The following SIMC1 variants were observed in gnomAD, a reference collection of about 807,000 sequenced individuals.
SIMC1 encodes SUMO-interacting motif-containing protein 1.
Under a neutral mutation model 82.3 loss-of-function variants are expected in SIMC1, and 55 were observed. The ratio of observed to expected loss-of-function variants is 0.67; its 90% confidence interval spans 0.54 to 0.84. SIMC1 has a LOEUF of 0.84. SIMC1 is among the 40% of genes least tolerant of loss of function. The pLI is 0.00. For missense variants in SIMC1, 915 were observed against 1,107.2 expected, an observed-to-expected ratio of 0.83 and a Z score of 2.46; for synonymous variants, 353 against 426.3, an observed-to-expected ratio of 0.83 and a Z score of 2.12.
intron 9 of SIMC1, among the ~76,000 whole-genome samples, chr5:176,342,204 A>C (rs1354885675): frequency 6.6e-6 from 1 of 152,220 alleles, no homozygotes; most frequent in Non-Finnish European, 1.5e-5. Context: ...CAAAGTCTAC[A>C]AAAAGGCTCT....
Position 176,289,691 on chromosome 5 carries a change from C to T in SIMC1, c.167C>T (p.Thr56Ile). 1 of 1,611,340 alleles carries T rather than the reference C, an allele frequency of 6.2e-7. No individual in the cohort carries two copies. The highest frequency in any genetic ancestry group is 2.2e-5 in the East Asian group (1 of 44,866). ...IDLTRETRPR[T>I]KDRSGLYVID... ...TTAACTAGAGAGACCAGACCAAGGA[C>T]AAAAGATCGCAGTGGACTGTATGTG... The change falls in exon 2 of 10, where the codon ACA becomes ATA. Residue 56 changes from threonine to isoleucine, a missense_variant. Physicochemically the swap from Thr to Ile is moderately conservative, Grantham distance 89. Around this residue, in one of 2 missense-constraint regions of SIMC1, gnomAD observed 902 missense variants for 1,040.3 expected, o/e 0.87. Transcript: ENST00000429602.
intron 7 of SIMC1, among the ~76,000 whole-genome samples, chr5:176,330,355 C>T (rs1348370884): frequency 1.3e-5 from 2 of 150,018 alleles, no homozygotes; most frequent in Non-Finnish European, 3.0e-5. Flanking sequence ...GAGCTGAGAT[C>T]GCACCACTCC....
intron 4 of SIMC1, among the ~76,000 whole-genome samples, chr5:176,304,763 A>G (rs1447884685): frequency 6.7e-6 from 1 of 148,616 alleles, no homozygotes; most frequent in East Asian, 2.0e-4. Flanking sequence ...CCCAGCCGCC[A>G]TCCATCTAGG....
intron 1 of SIMC1, among the ~76,000 whole-genome samples, chr5:176,280,075 G>T (rs1463999117): frequency 1.3e-5 from 2 of 152,076 alleles, no homozygotes; most frequent in Non-Finnish European, 2.9e-5. Context: ...ACAGTGGGGT[G>T]TTAAAGTCTC....
At chr5:176,241,455 G>T (rs1233541015) in intron 1 of SIMC1, among the ~76,000 whole-genome samples, 1 of 135,732 alleles carries the variant, frequency 7.4e-6, no homozygotes, top group Non-Finnish European at 1.6e-5. Context: ...TTTTCTCTAA[G>T]AACCCAGTGA....
At chr5:176,248,827 T>A (rs1043386866) in intron 1 of SIMC1, among the ~76,000 whole-genome samples, 4 of 152,162 alleles carry the variant, frequency 2.6e-5, no homozygotes, top group African/African-American at 9.6e-5. Flanking sequence ...TGGTGTTGAA[T>A]TCTATCAAAG....
At chr5:176,305,973 G>T (rs1764350126) in intron 4 of SIMC1, among the ~76,000 whole-genome samples, 1 of 75,726 alleles carries the variant, frequency 1.3e-5, no homozygotes, top group Non-Finnish European at 2.9e-5. Context: ...GCCCCATCCG[G>T]GAGGGAGGTG....
At chr5:176,310,174 A>G (rs538809431) in intron 4 of SIMC1, among the ~76,000 whole-genome samples, 1 of 152,342 alleles carries the variant, frequency 6.6e-6, no homozygotes, top group Non-Finnish European at 1.5e-5. Context: ...TGAGGATACA[A>G]ACTGGATATT....
chr5:176,242,823 C>A (rs1426573888), intron 1 of SIMC1, among the ~76,000 whole-genome samples: 3 of 152,106 alleles, frequency 2.0e-5, no homozygotes, highest in Non-Finnish European at 4.4e-5. Context: ...GGGAATACAT[C>A]TATGAAAACC....
chr5:176,251,352 G>C (rs574530600), intron 1 of SIMC1, among the ~76,000 whole-genome samples: 6 of 152,272 alleles, frequency 3.9e-5, no homozygotes, highest in Admixed American at 3.9e-4. Context: ...GAGCAAGCGA[G>C]ACTCCACCTC....
intron 5 of SIMC1, among the ~76,000 whole-genome samples, chr5:176,318,496 G>A (rs964811187): frequency 2.0e-5 from 3 of 152,054 alleles, no homozygotes; most frequent in Admixed American, 1.3e-4. Context: ...TAGATCACTC[G>A]TCCTCTTTTC....
At chr5:176,248,668 A>T (rs1761535799) in intron 1 of SIMC1, among the ~76,000 whole-genome samples, 1 of 152,152 alleles carries the variant, frequency 6.6e-6, no homozygotes, top group African/African-American at 2.4e-5. Flanking sequence ...GAGAGAGGGC[A>T]TCCTTGTCTT....
At chr5:176,307,236 CAG>C (rs1764465712) in intron 4 of SIMC1, among the ~76,000 whole-genome samples, 1 of 152,118 alleles carries the variant, frequency 6.6e-6, no homozygotes, top group Non-Finnish European at 1.5e-5. Flanking sequence ...CTATGGAAAA[CAG>C]TGAGGGAGTG....
intron 1 of SIMC1, among the ~76,000 whole-genome samples, chr5:176,285,108 A>G (rs1392401738): frequency 6.6e-6 from 1 of 152,250 alleles, no homozygotes; most frequent in Non-Finnish European, 1.5e-5. Context: ...ATTGATAGAA[A>G]AAGAGGGAAT....
chr5:176,341,861 C>G (rs1045577628), intron 9 of SIMC1, among the ~76,000 whole-genome samples: 2 of 152,156 alleles, frequency 1.3e-5, no homozygotes, highest in Admixed American at 1.3e-4. Context: ...CATTATGGCT[C>G]AAACCCTTTT....
chr5:176,279,502 T>A (rs1055541325), intron 1 of SIMC1, among the ~76,000 whole-genome samples: 1 of 151,646 alleles, frequency 6.6e-6, no homozygotes, highest in African/African-American at 2.4e-5. Flanking sequence ...TAGTTATTTC[T>A]TGCCTTCTGC....
chr5:176,262,279 TAAAAA>T (rs58312244), intron 1 of SIMC1, among the ~76,000 whole-genome samples: 367 of 133,892 alleles, frequency 2.7e-3, no homozygotes, highest in Middle Eastern at 3.8e-3. Context: ...ATTCATGATT[TAAAAA>T]AAAAAAAAAA....
intron 7 of SIMC1, among the ~76,000 whole-genome samples, chr5:176,332,512 A>G (rs1474625397): frequency 6.6e-6 from 1 of 150,664 alleles, no homozygotes; most frequent in African/African-American, 2.4e-5. Context: ...CTAGTCTCGA[A>G]CTCCCGACCT....
At chr5:176,253,872 A>G (rs1350658812) in intron 1 of SIMC1, among the ~76,000 whole-genome samples, 2 of 152,242 alleles carry the variant, frequency 1.3e-5, no homozygotes, top group African/African-American at 2.4e-5. Flanking sequence ...GTTTTCAGCC[A>G]TGAACCTAGG....
Sources: allele counts gnomAD v4.1 joint callset (sites outside exome capture counted in the v4.1 genomes callset), GRCh38; gene constraint gnomAD v4.1.1; regional missense constraint gnomAD v4.1.1; transcripts MANE v1.5; gene names NCBI Gene and HGNC (gene_info 2026-07-23, HGNC 2026-07-21).